OR9A4: variants seen among roughly 807,000 people sequenced by gnomAD.
OR9A4 encodes olfactory receptor family 9 subfamily A member 4.
Under a neutral mutation model 17.1 loss-of-function variants are expected in OR9A4, and 16 were observed. The ratio of observed to expected loss-of-function variants is 0.94; its 90% CI spans 0.64 to 1.43. The LOEUF is 1.43. Ranked by LOEUF, OR9A4 falls within the 40% of genes most tolerant of loss-of-function variation. The probability of loss-of-function intolerance (pLI) is 0.00; values close to 1 mark genes in which losing one functional copy is unlikely to be tolerated. For missense variants in OR9A4, 392 were observed against 382.1 expected (o/e 1.03, Z -0.22); for synonymous variants, 167 against 143.3 (o/e 1.17, Z -1.18).
intron 1 of OR9A4, among the ~76,000 whole-genome samples, chr7:141,918,131 CTTTA>C (rs1258544848): frequency 1.3e-5 from 2 of 152,104 alleles, no homozygotes; most frequent in Non-Finnish European, 2.9e-5. Flanking sequence ...GCTAGGAATA[CTTTA>C]TTTATTTATT....
rs368716942 is a variant in OR9A4 at position 141,919,157 on chromosome 7, G to C, written c.282G>C (p.Leu94Phe). The change falls in exon 2 of 2, where the codon TTG becomes TTC. Residue 94 changes from leucine to phenylalanine, a missense_variant. Physicochemically the swap from Leu to Phe is conservative, Grantham distance 22. Transcript: ENST00000641559. ...TCCCTGGGATGCAGACAATATATTT[G>C]TCTGCCTGTGTTGTCCAGCTCTTCT... ...LLLPGMQTIY[L>F]SACVVQLFLY... 6 of 1,613,964 alleles carry C rather than the reference G, an allele frequency of 3.7e-6. No individual in the cohort carries two copies. In the East Asian group the frequency reaches 8.9e-5, roughly 24 times the overall value.
Position 141,920,443 on chromosome 7 carries a change from T to C in OR9A4, c.*623T>C, listed in dbSNP as rs1297623138. 6.6e-6 allele frequency: 1 copy of C among 152,052 alleles called. No individual in the cohort carries two copies. Among genetic ancestry groups the C allele is most frequent in the Non-Finnish European group, 1.5e-5 (1 of 67,986 alleles). 9.4% of individuals were successfully genotyped at this position (152,052 alleles called of 1,614,324 possible). On this transcript the variant is annotated 3_prime_UTR_variant, in exon 2 of 2. Transcript: ENST00000641559. ...GTTTTCAGGGAAGGATTGAGAGAGGTAAGGTGGTGATACATTCGGAAACTT... is the reference window on the plus strand; with the variant it reads ...GTTTTCAGGGAAGGATTGAGAGAGGCAAGGTGGTGATACATTCGGAAACTT...
At chr7:141,916,709 G>C (rs1383675754) in intron 1 of OR9A4, 73 bp downstream of exon 1, 7 of 152,334 alleles carry the variant, frequency 4.6e-5, no homozygotes, top group African/African-American at 1.7e-4. Flanking sequence ...GAGGGCCGGG[G>C]CTTGGCTGCC....
In OR9A4 at chr7:141,919,914, T is replaced by C; in HGVS notation, c.*94T>C. The C allele has an allele frequency of 1.1e-6, 1 of 948,586 alleles. No individual in the cohort carries two copies. The highest frequency in any genetic ancestry group is 2.6e-5 in the Admixed American group (1 of 38,490). The allele number at this position is 948,586 out of a possible 1,614,324, so 58.8% of individuals were successfully genotyped here. On this transcript the variant is annotated 3_prime_UTR_variant, in exon 2 of 2. Transcript: ENST00000641559. Reference sequence around the variant, plus strand: ...GCTCATCTTTGAACTGCATCATAATTATTGCCATTATCAAATGATTTGCAT... The same window carrying C: ...GCTCATCTTTGAACTGCATCATAATCATTGCCATTATCAAATGATTTGCAT...
chr7:141,917,735 C>T (rs1192499800), intron 1 of OR9A4, among the ~76,000 whole-genome samples: 1 of 152,170 alleles, frequency 6.6e-6, no homozygotes, highest in African/African-American at 2.4e-5. Context: ...ACTTCTCCTC[C>T]TCCTCTTTGT....
At chr7:141,917,480 G>A (rs924374142) in intron 1 of OR9A4, among the ~76,000 whole-genome samples, 7 of 152,180 alleles carry the variant, frequency 4.6e-5, no homozygotes, top group Non-Finnish European at 8.8e-5. Context: ...AGGTGGTCAC[G>A]GAGGAGCAGA....
At position 141,918,898 on chromosome 7, in the gene OR9A4, C is replaced by T. The variant is rs782695703; in HGVS notation, c.23C>T (p.Ala8Val). 19 of 1,610,030 alleles carry T rather than the reference C, an allele frequency of 1.2e-5. No individual in the cohort carries two copies. The highest frequency in any genetic ancestry group is 2.2e-5 in the East Asian group (1 of 44,862). Residue 8 changes from alanine (A) to valine (V), a missense_variant, in exon 2 of 2, where the codon GCC becomes GTC. Ala to Val is a moderately conservative substitution (Grantham distance 64). Coordinates refer to ENST00000641559, the MANE Select transcript of OR9A4 (RefSeq NM_001001656.3). ...TAAATGTTGATGAATTACTCTAGTG[C>T]CACTGAATTTTATCTCCTTGGCTTC... MLMNYSSATEFYLLGFPG... is the reference protein window; with the variant it reads MLMNYSSVTEFYLLGFPG...
rs1802264825 is a variant in OR9A4, at chr7:141,920,604, G to A, written c.*784G>A. On this transcript the variant is annotated 3_prime_UTR_variant, in exon 2 of 2. Coordinates refer to ENST00000641559, the MANE Select transcript of OR9A4 (RefSeq NM_001001656.3). ...GTAACTGGAATGCAGACCATGTAGAGCCTTGTGAGCCTTTTTTTTTTTCCA... is the reference window on the plus strand; with the variant it reads ...GTAACTGGAATGCAGACCATGTAGAACCTTGTGAGCCTTTTTTTTTTTCCA... The A allele has an allele frequency of 6.7e-6, 1 of 149,470 alleles. No homozygotes were observed. The highest frequency in any genetic ancestry group is 2.4e-5 in the African/African-American group (1 of 40,830). The allele number at this position is 149,470 out of a possible 1,614,324, so 9.3% of individuals were successfully genotyped here.
chr7:141,919,649 C>G lies in OR9A4; in HGVS notation c.774C>G (p.Leu258=), dbSNP rs372414266. ...VVIGYGSCLF[L]YVKPKQTQAA... ...TTGGCTACGGCAGCTGCTTGTTTCTCTACGTGAAACCCAAGCAAACGCAGG... is the reference window on the plus strand; with the variant it reads ...TTGGCTACGGCAGCTGCTTGTTTCTGTACGTGAAACCCAAGCAAACGCAGG... Residue 258 remains leucine (L), a synonymous_variant, in exon 2 of 2, where the codon CTC becomes CTG. Coordinates refer to ENST00000641559, the MANE Select transcript of OR9A4 (RefSeq NM_001001656.3). 95 of 1,614,044 alleles carry G rather than the reference C, an allele frequency of 5.9e-5. No homozygotes were observed. Among genetic ancestry groups the G allele is most frequent in the Non-Finnish European group, 8.0e-5 (94 of 1,180,040 alleles).
Position 141,919,017 on chromosome 7 carries a change from G to C in OR9A4, c.142G>C (p.Val48Leu). The C allele has an allele frequency of 6.2e-7, 1 of 1,614,114 alleles. No homozygotes were observed. The highest frequency in any genetic ancestry group is 8.5e-7 in the Non-Finnish European group (1 of 1,180,042). Residue 48 changes from valine to leucine, a missense_variant, in exon 2 of 2, where the codon GTC becomes CTC. By Grantham distance (32) the Val-to-Leu change is conservative. Coordinates refer to ENST00000641559, the MANE Select transcript of OR9A4 (RefSeq NM_001001656.3). ...GGGAAACACAGTCATCATCATGATTGTCTGTGTGGATAAACGTCTGCAGTC... is the reference window on the plus strand; with the variant it reads ...GGGAAACACAGTCATCATCATGATTCTCTGTGTGGATAAACGTCTGCAGTC... The part of the protein sequence containing the change: ...LMGNTVIIMI[V>L]CVDKRLQSPM...
chr7:141,919,058 C>T lies in OR9A4; in HGVS notation c.183C>T (p.Phe61=), dbSNP rs782390529. ...GTCTGCAGTCCCCCATGTATTTCTT[C>T]CTCGGCCACCTCTCTGCCCTGGAGA... ...DKRLQSPMYF[F]LGHLSALEIL... Residue 61 remains phenylalanine, a synonymous_variant, in exon 2 of 2, where the codon TTC becomes TTT. Coordinates refer to ENST00000641559, the MANE Select transcript of OR9A4 (RefSeq NM_001001656.3). The T allele has an allele frequency of 6.2e-7, 1 of 1,614,138 alleles. No individual in the cohort carries two copies. Among genetic ancestry groups the T allele is most frequent in the South Asian group, 1.1e-5 (1 of 91,064 alleles).
At chr7:141,916,924 A>G (rs80139203) in intron 1 of OR9A4, among the ~76,000 whole-genome samples, 2,751 of 152,244 alleles carry the variant, frequency 0.018, 49 homozygotes, top group South Asian at 0.068. Context: ...TGCCTGCCAC[A>G]TAGTAGGGGA....
chr7:141,917,538 C>A (rs1463635108), intron 1 of OR9A4, among the ~76,000 whole-genome samples: 1 of 152,140 alleles, frequency 6.6e-6, no homozygotes, highest in Non-Finnish European at 1.5e-5. Context: ...GAGACCATGG[C>A]AAGTTGGATG....
rs1186643087 is a variant in OR9A4, at chr7:141,920,586, G to A, written c.*766G>A. On this transcript the variant is annotated 3_prime_UTR_variant, in exon 2 of 2. Transcript: ENST00000641559. ...GCAATGGCAGTCAGAGTGGTAACTG[G>A]AATGCAGACCATGTAGAGCCTTGTG... 6.6e-6 allele frequency: 1 copy of A among 150,814 alleles called. No homozygotes were observed. The highest frequency in any genetic ancestry group is 2.4e-5 in the African/African-American group (1 of 41,130). The allele number at this position is 150,814 out of a possible 1,614,324, so 9.3% of individuals were successfully genotyped here.
At chr7:141,917,158 T>C (rs1410397140) in intron 1 of OR9A4, among the ~76,000 whole-genome samples, 1 of 152,194 alleles carries the variant, frequency 6.6e-6, no homozygotes, top group Non-Finnish European at 1.5e-5. Context: ...GAAAGAGAAA[T>C]GACCTACCTA....
chr7:141,918,293 G>C (rs1043883873), intron 1 of OR9A4, among the ~76,000 whole-genome samples: 4 of 152,176 alleles, frequency 2.6e-5, no homozygotes, highest in East Asian at 1.9e-4. Context: ...TTTTAGTAGA[G>C]ACGAGGTTTC....
In OR9A4 at chr7:141,920,030, C is replaced by A; in HGVS notation, c.*210C>A. ...TCTATTATTTTTAAGACATGTCTTGCTATCTAGCTATCTATCTATCATCTG... is the reference window on the plus strand; with the variant it reads ...TCTATTATTTTTAAGACATGTCTTGATATCTAGCTATCTATCTATCATCTG... On this transcript the variant is annotated 3_prime_UTR_variant, in exon 2 of 2. Transcript: ENST00000641559. The A allele has an allele frequency of 2.1e-6, 1 of 475,974 alleles. No homozygotes were observed. Among genetic ancestry groups the A allele is most frequent in the Middle Eastern group, 5.5e-4 (1 of 1,822 alleles). The allele number at this position is 475,974 out of a possible 1,614,324, so 29.5% of individuals were successfully genotyped here.
Position 141,918,931 on chromosome 7 carries a change from C to G in OR9A4, c.56C>G (p.Ser19Cys), listed in dbSNP as rs782608180. 2.5e-6 allele frequency: 4 copies of G among 1,613,982 alleles called. No homozygotes were observed. The highest frequency in any genetic ancestry group is 4.5e-5 in the East Asian group (2 of 44,872). ...TEFYLLGFPG[S>C]EELHHILFAI... The stretch of plus-strand genomic sequence containing the variant: ...TTTTATCTCCTTGGCTTCCCTGGCT[C>G]TGAAGAACTACATCATATCCTTTTT... The change falls in exon 2 of 2, where the codon TCT becomes TGT. Residue 19 changes from serine (S) to cysteine (C), a missense_variant. Coordinates refer to ENST00000641559, the MANE Select transcript of OR9A4 (RefSeq NM_001001656.3).
chr7:141,919,496 C>G lies in OR9A4; in HGVS notation c.621C>G (p.Leu207=). The part of the protein sequence containing the change: ...FILFLMAVFV[L]FGSLIPTIVS... ...TCTTCTTAATGGCTGTTTTTGTTCT[C>G]TTTGGTTCTTTGATCCCTACAATTG... The change falls in exon 2 of 2, where the codon CTC becomes CTG. Residue 207 remains leucine (L), a synonymous_variant. Transcript: ENST00000641559. 1 of 1,614,072 alleles carries G rather than the reference C, an allele frequency of 6.2e-7. No homozygotes were observed. Among genetic ancestry groups the G allele is most frequent in the East Asian group, 2.2e-5 (1 of 44,876 alleles).
Sources: allele counts gnomAD v4.1 joint callset (sites outside exome capture counted in the v4.1 genomes callset), GRCh38; gene constraint gnomAD v4.1.1; transcripts MANE v1.5; gene names NCBI Gene and HGNC (gene_info 2026-07-23, HGNC 2026-07-21).